The following MLXIPL variants were observed in gnomAD, a reference collection of about 807,000 sequenced individuals.
The protein encoded by MLXIPL is carbohydrate-responsive element-binding protein.
Under a neutral mutation model 81.5 loss-of-function variants are expected in MLXIPL, and 49 were observed. The ratio of observed to expected loss-of-function variants is 0.60; its 90% CI spans 0.48 to 0.76. The LOEUF (loss-of-function observed/expected upper bound fraction) is 0.76, where lower values mean the gene tolerates loss of function less well. Among genes scored for constraint, MLXIPL ranks in the 30% least tolerant of loss-of-function variants. The pLI, the probability that MLXIPL is intolerant of heterozygous loss-of-function variation, is 0.00. For missense variants in MLXIPL, 1,053 were observed against 1,167.0 expected (o/e 0.90, Z 1.42); for synonymous variants, 466 against 485.5 (o/e 0.96, Z 0.53).
Position 73,593,712 on chromosome 7 carries a change from C to T in MLXIPL, c.*153G>A. 2.8e-6 allele frequency: 2 copies of T among 706,992 alleles called. No homozygotes were observed. Among genetic ancestry groups the T allele is most frequent in the Non-Finnish European group, 5.1e-6 (2 of 394,810 alleles). The allele number at this position is 706,992 out of a possible 1,614,324, so 43.8% of individuals were successfully genotyped here. A position where few individuals can be genotyped will look rare whatever the true frequency, so the allele number is the denominator to read the frequency against. ...GCTCTTCTTGACCTCCAGGAGGTGGCAAGTGTGAAACCTGGACCCTGCTCC... is the reference window on the plus strand; with the variant it reads ...GCTCTTCTTGACCTCCAGGAGGTGGTAAGTGTGAAACCTGGACCCTGCTCC... On this transcript the variant is annotated 3_prime_UTR_variant, in exon 17 of 17. Coordinates refer to ENST00000313375, the MANE Select transcript of MLXIPL (RefSeq NM_032951.3).
At position 73,614,809 on chromosome 7, in the gene MLXIPL, C is replaced by CT. The variant is rs11307944; in HGVS notation, c.400+1261dup. Among the ~76,000 whole-genome samples, 145 of 106,148 alleles carry CT rather than the reference C, an allele frequency of 1.4e-3. 1 individual carries two copies. The highest frequency in any genetic ancestry group is 1.7e-3 in the Admixed American group (16 of 9,282). 69.6% of individuals were successfully genotyped at this position (106,148 alleles called of 152,430 possible). On this transcript the variant is annotated intron_variant, in intron 2 of 16. Coordinates refer to ENST00000313375, the MANE Select transcript of MLXIPL (RefSeq NM_032951.3). ...TATTGGCCTCGTTTTTTGTTTTGCC[C>CT]TTTTTTTTTTTTTTTTTTTGAGACG...
At chr7:73,610,056 A>G (rs1795590444) in intron 2 of MLXIPL, 1 of 152,472 alleles carries the variant, frequency 6.6e-6, no homozygotes, top group Non-Finnish European at 1.5e-5. Context: ...CTCTAGCCTC[A>G]TATCCAGCTG....
the MLXIPL span, among the ~76,000 whole-genome samples, chr7:73,643,386 T>C: frequency 9.9e-5 from 15 of 151,818 alleles, no homozygotes; most frequent in African/African-American, 2.7e-4. Context: ...TGGTGGCGGG[T>C]GCCTGTAGTC....
intron 5 of MLXIPL, chr7:73,606,323 G>A (rs1218989291): frequency 1.6e-6 from 1 of 607,050 alleles, no homozygotes; most frequent in Non-Finnish European, 2.9e-6. Flanking sequence ...AGACCAGGAT[G>A]CAGATACAGG....
upstream of MLXIPL, chr7:73,624,635 T>C: frequency 2.9e-6 from 4 of 1,366,298 alleles, no homozygotes; most frequent in Admixed American, 3.5e-5. Context: ...GCGGGGCTTG[T>C]ATTAGCATAA....
At chr7:73,598,562 C>A (rs1427816823) in intron 8 of MLXIPL, among the ~76,000 whole-genome samples, 3 of 152,224 alleles carry the variant, frequency 2.0e-5, no homozygotes, top group Non-Finnish European at 4.4e-5. Context: ...ATCCATTCAC[C>A]AGCACGCCCA....
At position 73,597,689 on chromosome 7, in the gene MLXIPL, A is replaced by T; in HGVS notation, c.1096T>A (p.Leu366Met). The change falls in exon 9 of 17, where the codon TTG becomes ATG. Residue 366 changes from leucine (L) to methionine (M), a missense_variant. Leu to Met is a conservative substitution (Grantham distance 15). Transcript: ENST00000313375. ...LQARNSCPGP[L>M]DSSAFLSSDF... ...GAACTCAGGAAGGCGCTGGAGTCCA[A>T]GGGGCCAGGGCAGCTGTTCCGAGCC... 7.3e-7 allele frequency: 1 copy of T among 1,366,278 alleles called. No homozygotes were observed. Among genetic ancestry groups the T allele is most frequent in the South Asian group, 2.2e-5 (1 of 45,752 alleles). The allele number at this position is 1,366,278 out of a possible 1,614,324, so 84.6% of individuals were successfully genotyped here. A position where few individuals can be genotyped will look rare whatever the true frequency, so the allele number is the denominator to read the frequency against.
chr7:73,630,654 A>G, the MLXIPL span, among the ~76,000 whole-genome samples: 2 of 152,194 alleles, frequency 1.3e-5, no homozygotes, highest in African/African-American at 4.8e-5. Flanking sequence ...AGGTCACATG[A>G]TAAGAAGAGA....
At chr7:73,612,760 A>C (rs1262620768) in intron 2 of MLXIPL, among the ~76,000 whole-genome samples, 1 of 151,886 alleles carries the variant, frequency 6.6e-6, no homozygotes, top group Non-Finnish European at 1.5e-5. Context: ...GGCTGTAACC[A>C]TGTGGCTTCC....
upstream of MLXIPL, among the ~76,000 whole-genome samples, chr7:73,626,995 T>C (rs887433975): frequency 2.6e-5 from 4 of 152,148 alleles, no homozygotes; most frequent in African/African-American, 9.7e-5. Flanking sequence ...GGAAAGTGAT[T>C]ATCCAAGGCT....
rs140854725 is a variant in MLXIPL at position 73,616,096 on chromosome 7, G to A, written c.375C>T (p.Ala125=). 502 of 1,614,022 alleles carry A rather than the reference G, an allele frequency of 3.1e-4. No individual in the cohort carries two copies. The highest frequency in any genetic ancestry group is 2.8e-3 in the Middle Eastern group (17 of 6,062). ...ACTGGATATACCAGGCCCTCCAGATGGCGTTGTTCAGGCGGATCTTGTCTC... is the reference window on the plus strand; with the variant it reads ...ACTGGATATACCAGGCCCTCCAGATAGCGTTGTTCAGGCGGATCTTGTCTC... ...LCRDKIRLNN[A]IWRAWYIQYV... Residue 125 remains alanine (A), a synonymous_variant, in exon 2 of 17, where the codon GCC becomes GCT. Coordinates refer to ENST00000313375, the MANE Select transcript of MLXIPL (RefSeq NM_032951.3).
At chr7:73,614,717 G>A (rs782673225) in intron 2 of MLXIPL, among the ~76,000 whole-genome samples, 20 of 151,974 alleles carry the variant, frequency 1.3e-4, no homozygotes, top group Non-Finnish European at 1.6e-4. Flanking sequence ...ATCATGTATT[G>A]GATACCAACT....
chr7:73,606,848 A>T, intron 5 of MLXIPL, 126 bp downstream of exon 5: 1 of 1,050,904 alleles, frequency 9.5e-7, no homozygotes. Flanking sequence ...TGGCAGTAAC[A>T]TCCCACATTC....
chr7:73,602,090 G>GCCTT (rs1794882074), intron 7 of MLXIPL, among the ~76,000 whole-genome samples: 2 of 145,130 alleles, frequency 1.4e-5, no homozygotes, highest in East Asian at 2.0e-4. Context: ...CTGCCTGCCT[G>GCCTT]CCTGCCTTCC....
intron 1 of MLXIPL, among the ~76,000 whole-genome samples, chr7:73,616,488 C>G (rs1035946482): frequency 6.6e-5 from 10 of 152,182 alleles, no homozygotes; most frequent in African/African-American, 2.4e-4. Flanking sequence ...AGTGGCCTCA[C>G]AGGTGTGTCT....
intron 2 of MLXIPL, among the ~76,000 whole-genome samples, chr7:73,611,942 T>C (rs1795712443): frequency 6.6e-6 from 1 of 152,122 alleles, no homozygotes; most frequent in African/African-American, 2.4e-5. Context: ...CTTGGGTGCA[T>C]AGACTCCCAG....
At chr7:73,606,909 T>A in intron 5 of MLXIPL, 65 bp downstream of exon 5, 1 of 1,569,700 alleles carries the variant, frequency 6.4e-7, no homozygotes. Context: ...AACTGTCAAC[T>A]CTGCCTCCCA....
intron 1 of MLXIPL, among the ~76,000 whole-genome samples, chr7:73,622,401 T>G (rs1796440706): frequency 6.6e-6 from 1 of 151,966 alleles, no homozygotes; most frequent in Admixed American, 6.6e-5. Flanking sequence ...AGGCAGGAGA[T>G]TCTCTTGAAC....
chr7:73,625,408 T>C (rs1465352859), upstream of MLXIPL, among the ~76,000 whole-genome samples: 1 of 152,156 alleles, frequency 6.6e-6, no homozygotes, highest in Non-Finnish European at 1.5e-5. Flanking sequence ...CCCAAGGTAA[T>C]GCCCCTGAAG....
Sources: allele counts gnomAD v4.1 joint callset (sites outside exome capture counted in the v4.1 genomes callset), GRCh38; gene constraint gnomAD v4.1.1; transcripts MANE v1.5; gene names NCBI Gene and HGNC (gene_info 2026-07-23, HGNC 2026-07-21).